The following CHL1 variants were observed in gnomAD, a reference collection of about 807,000 sequenced individuals.
CHL1 encodes the protein cell adhesion molecule L1 like.
A neutral mutation model predicts 141.9 loss-of-function variants in CHL1; 96 were observed. The ratio of observed to expected loss-of-function variants is 0.68; its 90% CI spans 0.57 to 0.80. CHL1 has a LOEUF of 0.80. CHL1 is among the 30% of genes least tolerant of loss of function. CHL1 has a pLI of 0.00. For synonymous variants in CHL1, 613 were observed against 502.2 expected (o/e 1.22, Z -2.95); for missense variants, 1,820 against 1,457.2 (o/e 1.25, Z -4.05).
Position 366,077 on chromosome 3 carries a change from T to C in CHL1, c.1713T>C (p.Asp571=). Reference sequence around the variant, plus strand: ...GTTTGAAGTTGTCCTGGAGTAAAGATGGAGAAGCCTTTGAAATTAATGGCA... The same window carrying C: ...GTTTGAAGTTGTCCTGGAGTAAAGACGGAGAAGCCTTTGAAATTAATGGCA... ...KHSLKLSWSK[D]GEAFEINGTE... is the part of the protein sequence containing the mutation. Residue 571 remains aspartate (D), a synonymous_variant, in exon 15 of 28, where the codon GAT becomes GAC. Transcript: ENST00000256509. 6.2e-7 allele frequency: 1 copy of C among 1,613,922 alleles called. No individual in the cohort carries two copies. The highest frequency in any genetic ancestry group is 8.5e-7 in the Non-Finnish European group (1 of 1,179,922).
chr3:214,055 T>A (rs556497628), intron 1 of CHL1, among the ~76,000 whole-genome samples: 16 of 152,196 alleles, frequency 1.1e-4, no homozygotes, highest in Non-Finnish European at 2.4e-4. Context: ...GTCAACCTAA[T>A]GCTTGCTTAA....
At chr3:223,847 G>T (rs368211482) in intron 1 of CHL1, among the ~76,000 whole-genome samples, 11 of 152,260 alleles carry the variant, frequency 7.2e-5, no homozygotes, top group South Asian at 2.1e-4. Flanking sequence ...GAAATCATAG[G>T]GGTCAAAGCT....
At chr3:303,738 C>G (rs1432151005) in intron 2 of CHL1, among the ~76,000 whole-genome samples, 1 of 152,182 alleles carries the variant, frequency 6.6e-6, no homozygotes, top group Non-Finnish European at 1.5e-5. Context: ...CCTGATTGCC[C>G]TGGCCGGAAC....
At chr3:260,365 T>C (rs1050005272) in intron 2 of CHL1, among the ~76,000 whole-genome samples, 2 of 152,242 alleles carry the variant, frequency 1.3e-5, no homozygotes, top group Non-Finnish European at 2.9e-5. Context: ...TAGAATATAA[T>C]TATGCTGACT....
At chr3:370,679 T>C (rs9871089) in intron 15 of CHL1, among the ~76,000 whole-genome samples, 4 of 151,918 alleles carry the variant, frequency 2.6e-5, no homozygotes, top group Non-Finnish European at 4.4e-5. Flanking sequence ...GCCTCTCTGG[T>C]TCTTTTAATT....
At chr3:273,335 C>G (rs981033620) in intron 2 of CHL1, among the ~76,000 whole-genome samples, 3 of 152,148 alleles carry the variant, frequency 2.0e-5, no homozygotes, top group Non-Finnish European at 2.9e-5. Flanking sequence ...CCACCTGGAC[C>G]AAAGGAGAGT....
chr3:393,025 A>G (rs1708365031), intron 23 of CHL1, among the ~76,000 whole-genome samples: 1 of 152,132 alleles, frequency 6.6e-6, no homozygotes, highest in Non-Finnish European at 1.5e-5. Flanking sequence ...CGAGGTCAGG[A>G]GATCGAGACC....
intron 15 of CHL1, among the ~76,000 whole-genome samples, chr3:366,735 C>T (rs913008864): frequency 8.7e-5 from 13 of 149,734 alleles, no homozygotes; most frequent in African/African-American, 3.2e-4. Flanking sequence ...AGGCTGCATA[C>T]TAGTCTTCTA....
chr3:351,418 T>A (rs1427064558), intron 10 of CHL1, among the ~76,000 whole-genome samples: 1 of 152,196 alleles, frequency 6.6e-6, no homozygotes, highest in Non-Finnish European at 1.5e-5. Context: ...CCTATACACA[T>A]GAAAAACAAA....
chr3:199,489 CTG>C (rs1158769025), intron 1 of CHL1, among the ~76,000 whole-genome samples: 1 of 152,228 alleles, frequency 6.6e-6, no homozygotes, highest in Non-Finnish European at 1.5e-5. Flanking sequence ...GATAAGTACA[CTG>C]TACACTTCGT....
intron 2 of CHL1, among the ~76,000 whole-genome samples, chr3:314,305 CTCTT>C (rs1267417982): frequency 6.0e-4 from 74 of 122,940 alleles, no homozygotes; most frequent in African/African-American, 2.3e-3. Flanking sequence ...TGCACTCTCT[CTCTT>C]TCTCTCTCTC....
intron 15 of CHL1, among the ~76,000 whole-genome samples, chr3:370,152 G>C (rs1349792905): frequency 6.6e-6 from 1 of 152,146 alleles, no homozygotes; most frequent in Non-Finnish European, 1.5e-5. Flanking sequence ...CAATTGTGTG[G>C]AATAGTTTTA....
rs774306046 is a variant in CHL1, at chr3:341,864, A to G, written c.509-48A>G. The G allele has an allele frequency of 5.2e-5, 73 of 1,394,296 alleles. No homozygotes were observed. In the South Asian group the frequency reaches 1.1e-3, roughly 20 times the overall value. 86.4% of individuals were successfully genotyped at this position (1,394,296 alleles called of 1,614,324 possible). A position where few individuals can be genotyped will look rare whatever the true frequency, so the allele number is the denominator to read the frequency against. ...AGAAAATGAAAAAGGAAGATGAAGC[A>G]CAGTAAGGGACAATTGCCCTTTTCA... On this transcript the variant is annotated intron_variant, in intron 6 of 27. Transcript: ENST00000256509.
intron 1 of CHL1, chr3:197,630 C>CG (rs35603824): frequency 0.45 from 155,308 of 345,698 alleles, 35,247 homozygotes; most frequent in East Asian, 0.91. Context: ...GATCCCAGCC[C>CG]GGGGGGGGTT....
chr3:221,024 T>C (rs920402117), intron 1 of CHL1, among the ~76,000 whole-genome samples: 2 of 152,220 alleles, frequency 1.3e-5, no homozygotes, highest in East Asian at 1.9e-4. Flanking sequence ...TCCAGGTCTT[T>C]AGATAAACTC....
At chr3:242,425 T>C (rs1477530829) in intron 1 of CHL1, among the ~76,000 whole-genome samples, 3 of 136,296 alleles carry the variant, frequency 2.2e-5, no homozygotes, top group South Asian at 5.2e-4. Context: ...TGAAACCCCG[T>C]CTCTACTAAA....
chr3:225,291 C>G (rs768455403), intron 1 of CHL1, among the ~76,000 whole-genome samples: 45 of 152,320 alleles, frequency 3.0e-4, no homozygotes, highest in Middle Eastern at 3.4e-3. Context: ...ATGATCTCCA[C>G]CCTCAGAGAG....
intron 9 of CHL1, among the ~76,000 whole-genome samples, chr3:348,746 C>A (rs1340744332): frequency 6.6e-6 from 1 of 152,206 alleles, no homozygotes; most frequent in South Asian, 2.1e-4. Context: ...CTTTCCTCTG[C>A]TTCCCGACAA....
chr3:376,890 A>T (rs1706393218), intron 15 of CHL1, among the ~76,000 whole-genome samples: 1 of 152,180 alleles, frequency 6.6e-6, no homozygotes, highest in South Asian at 2.1e-4. Context: ...ATAAGGGCTG[A>T]TTCTGTCTAT....
Sources: allele counts gnomAD v4.1 joint callset (sites outside exome capture counted in the v4.1 genomes callset), GRCh38; gene constraint gnomAD v4.1.1; transcripts MANE v1.5; gene names NCBI Gene and HGNC (gene_info 2026-07-23, HGNC 2026-07-21).